The following RAB27A variants were observed in gnomAD, a reference collection of about 807,000 sequenced individuals.
RAB27A encodes RAB27A, member RAS oncogene family, also known as ras-related protein Rab-27A.
A neutral mutation model predicts 20.8 loss-of-function variants in RAB27A; 17 were observed. The observed-to-expected ratio is 0.82, with a 90% CI of 0.56 to 1.23. The LOEUF (loss-of-function observed/expected upper bound fraction) is 1.23. RAB27A is among the 50% of genes most tolerant of loss of function. RAB27A has a pLI of 0.00. For missense variants in RAB27A, 277 were observed against 266.7 expected (o/e 1.04, Z -0.27); for synonymous variants, 85 against 92.8 (o/e 0.92, Z 0.48).
At chr15:55,272,959 ATGG>A (rs1291548876) in intron 1 of RAB27A, among the ~76,000 whole-genome samples, 1 of 152,228 alleles carries the variant, frequency 6.6e-6, no homozygotes, top group African/African-American at 2.4e-5. Flanking sequence ...AACAGACAGA[ATGG>A]TGGTCATCTG....
chr15:55,230,056 C>T (rs1895969133), intron 4 of RAB27A, among the ~76,000 whole-genome samples: 1 of 152,116 alleles, frequency 6.6e-6, no homozygotes, highest in Non-Finnish European at 1.5e-5. Context: ...AACCAGATAT[C>T]CCACTAGATT....
At position 55,234,839 on chromosome 15, in the gene RAB27A, A is replaced by C; in HGVS notation, c.96T>G (p.Gly32=). 1.2e-6 allele frequency: 2 copies of C among 1,612,502 alleles called. No homozygotes were observed. The highest frequency in any genetic ancestry group is 1.7e-6 in the Non-Finnish European group (2 of 1,178,784). ...TTGTGATAAATTTGGAGTTAAATTT[A>C]CCATCTGTATATTGGTAAAGTACAC... ...KTSVLYQYTD[G]KFNSKFITTV... The change falls in exon 3 of 7, where the codon GGT becomes GGG. Residue 32 remains glycine (G), a synonymous_variant. Coordinates refer to ENST00000336787, the MANE Select transcript of RAB27A (RefSeq NM_183235.3).
chr15:55,211,858 A>G (rs1895041086), intron 6 of RAB27A, among the ~76,000 whole-genome samples: 1 of 152,198 alleles, frequency 6.6e-6, no homozygotes, highest in Non-Finnish European at 1.5e-5. Context: ...TTTAGTTCAA[A>G]GAATACTGAT....
At chr15:55,226,527 G>A (rs1419609555) in intron 5 of RAB27A, among the ~76,000 whole-genome samples, 1 of 152,070 alleles carries the variant, frequency 6.6e-6, no homozygotes, top group East Asian at 1.9e-4. Flanking sequence ...GTGTGTGTGT[G>A]TGTGTGTGAG....
chr15:55,297,069 G>A (rs570424609), intron 2 of RAB27A, among the ~76,000 whole-genome samples: 33 of 152,270 alleles, frequency 2.2e-4, no homozygotes, highest in Admixed American at 7.8e-4. Context: ...GAGAGGGGAG[G>A]GTAAAGGGAA....
chr15:55,317,155 A>T (rs2055051159), intron 1 of RAB27A: 1 of 152,194 alleles, frequency 6.6e-6, no homozygotes, highest in Admixed American at 6.5e-5. Context: ...AAAATGACAA[A>T]TATACAATAA....
At chr15:55,273,832 C>T (rs1009716395) in intron 1 of RAB27A, among the ~76,000 whole-genome samples, 3 of 152,160 alleles carry the variant, frequency 2.0e-5, no homozygotes, top group East Asian at 1.9e-4. Flanking sequence ...CAACAATGAA[C>T]AGATCATCCA....
intron 1 of RAB27A, among the ~76,000 whole-genome samples, chr15:55,274,957 T>C (rs1897822154): frequency 6.7e-6 from 1 of 149,700 alleles, no homozygotes; most frequent in South Asian, 2.1e-4. Context: ...TAAGAGATAC[T>C]CTAAATAATC....
At chr15:55,235,053 G>A (rs1161116631) in intron 2 of RAB27A, 97 bp from the exon 3 acceptor site, 8 of 979,176 alleles carry the variant, frequency 8.2e-6, no homozygotes, top group Non-Finnish European at 1.2e-5. Context: ...AACACCTAAT[G>A]TTAACCTGTA....
chr15:55,248,158 G>A (rs1055004946), intron 2 of RAB27A, among the ~76,000 whole-genome samples: 6 of 152,040 alleles, frequency 3.9e-5, no homozygotes, highest in African/African-American at 1.4e-4. Context: ...ATGTTCTTCA[G>A]GTACATGGTG....
intron 2 of RAB27A, among the ~76,000 whole-genome samples, chr15:55,236,006 C>T (rs1306118563): frequency 6.6e-6 from 1 of 151,872 alleles, no homozygotes; most frequent in African/African-American, 2.4e-5. Context: ...TTTGGGGACT[C>T]GGGTGGAAAG....
chr15:55,312,941 A>C (rs1169506289), intron 2 of RAB27A, among the ~76,000 whole-genome samples: 1 of 151,728 alleles, frequency 6.6e-6, no homozygotes, highest in Non-Finnish European at 1.5e-5. Context: ...ACTGCTCTCC[A>C]TCTCTCTCTC....
chr15:55,253,441 C>T (rs959656902), intron 2 of RAB27A, among the ~76,000 whole-genome samples: 5 of 141,966 alleles, frequency 3.5e-5, no homozygotes, highest in African/African-American at 1.0e-4. Flanking sequence ...AGCGAGACTC[C>T]GTCTCAAAGG....
upstream of RAB27A, among the ~76,000 whole-genome samples, chr15:55,291,017 G>A (rs1217060603): frequency 6.6e-6 from 1 of 152,170 alleles, no homozygotes; most frequent in East Asian, 1.9e-4. Context: ...CTTCTCAGGT[G>A]GGTCCAATTT....
chr15:55,315,800 T>C (rs1056639060), intron 1 of RAB27A, among the ~76,000 whole-genome samples: 1 of 152,106 alleles, frequency 6.6e-6, no homozygotes, highest in Non-Finnish European at 1.5e-5. Context: ...TTTTACACTG[T>C]TGGTGGGAGT....
Position 55,234,952 on chromosome 15 carries a change from T to C in RAB27A, c.-18A>G. ...TCAGACATAATGAAGAACTCAGTAG[T>C]TCACCTGTAAAATACACACAAAATT... On this transcript the variant is annotated 5_prime_UTR_variant, in exon 3 of 7. Transcript: ENST00000336787. 1.9e-6 allele frequency: 3 copies of C among 1,606,198 alleles called. No homozygotes were observed. Among genetic ancestry groups the C allele is most frequent in the Non-Finnish European group, 2.6e-6 (3 of 1,175,954 alleles).
intron 2 of RAB27A, among the ~76,000 whole-genome samples, chr15:55,236,278 G>A (rs747912601): frequency 2.6e-5 from 4 of 151,824 alleles, no homozygotes; most frequent in African/African-American, 4.8e-5. Flanking sequence ...ATGTTATTAC[G>A]GTTCCTTCAA....
intron 2 of RAB27A, among the ~76,000 whole-genome samples, chr15:55,245,918 T>A (rs1190770170): frequency 6.6e-6 from 1 of 151,984 alleles, no homozygotes; most frequent in Admixed American, 6.6e-5. Flanking sequence ...AAAACCAACA[T>A]GGCAAAACCC....
chr15:55,240,974 C>G (rs1457221945), intron 2 of RAB27A, among the ~76,000 whole-genome samples: 1 of 152,098 alleles, frequency 6.6e-6, no homozygotes, highest in Non-Finnish European at 1.5e-5. Flanking sequence ...TTTCTGAGGG[C>G]TGTTGTGAGG....
Sources: allele counts gnomAD v4.1 joint callset (sites outside exome capture counted in the v4.1 genomes callset), GRCh38; gene constraint gnomAD v4.1.1; transcripts MANE v1.5; gene names NCBI Gene and HGNC (gene_info 2026-07-23, HGNC 2026-07-21).